The following EXOC6B variants were observed in gnomAD, a reference collection of about 807,000 sequenced individuals.
The protein encoded by EXOC6B is SEC15 homolog B.
A neutral mutation model predicts 113.5 loss-of-function variants in EXOC6B; 54 were observed. That is an observed-to-expected ratio of 0.48 (90% CI 0.38 to 0.60). The LOEUF is 0.60. EXOC6B is among the 20% of genes least tolerant of loss of function. The probability of loss-of-function intolerance (pLI) is 0.00; values close to 1 mark genes in which losing one functional copy is unlikely to be tolerated. For missense variants in EXOC6B, 797 were observed against 977.5 expected (o/e 0.82, Z 2.46); for synonymous variants, 357 against 339.0 (o/e 1.05, Z -0.58).
chr2:72,217,933 A>T (rs1315286777), intron 20 of EXOC6B, among the ~76,000 whole-genome samples: 4 of 152,206 alleles, frequency 2.6e-5, no homozygotes, highest in African/African-American at 9.7e-5. Flanking sequence ...GCATTTTTAT[A>T]TATTATTTTA....
At chr2:72,768,430 T>C (rs977928608) in intron 1 of EXOC6B, among the ~76,000 whole-genome samples, 1 of 151,806 alleles carries the variant, frequency 6.6e-6, no homozygotes, top group Non-Finnish European at 1.5e-5. Flanking sequence ...TAGCTGGGAT[T>C]ACAGGCATGC....
At chr2:72,193,788 T>A (rs1261827625) in intron 20 of EXOC6B, among the ~76,000 whole-genome samples, 2 of 152,184 alleles carry the variant, frequency 1.3e-5, no homozygotes, top group South Asian at 4.1e-4. Flanking sequence ...AGGCCTCATA[T>A]GCTAAGCTAA....
chr2:72,599,662 A>G (rs1248639840), intron 6 of EXOC6B, among the ~76,000 whole-genome samples: 1 of 150,766 alleles, frequency 6.6e-6, no homozygotes, highest in Non-Finnish European at 1.5e-5. Flanking sequence ...CACAAGGGGA[A>G]AAAAAAAAGC....
chr2:72,804,843 C>A (rs1189280693), intron 1 of EXOC6B, among the ~76,000 whole-genome samples: 1 of 152,006 alleles, frequency 6.6e-6, no homozygotes, highest in Non-Finnish European at 1.5e-5. Flanking sequence ...GTGATCCACC[C>A]GCCTTGGCCT....
chr2:72,285,274 T>C (rs1685360390), intron 20 of EXOC6B, among the ~76,000 whole-genome samples: 1 of 151,838 alleles, frequency 6.6e-6, no homozygotes, highest in Non-Finnish European at 1.5e-5. Flanking sequence ...ACTAGGCAAA[T>C]AGATCAAAGC....
chr2:72,444,235 G>A (rs2105340668), intron 18 of EXOC6B, among the ~76,000 whole-genome samples: 1 of 152,332 alleles, frequency 6.6e-6, no homozygotes, highest in South Asian at 2.1e-4. Flanking sequence ...TTGACTCCAT[G>A]TCTCACATCC....
At chr2:72,499,756 A>G (rs1700227649) in intron 12 of EXOC6B, 145 bp downstream of exon 12, 1 of 595,790 alleles carries the variant, frequency 1.7e-6, no homozygotes, top group East Asian at 2.8e-5. Context: ...CTAGTCTTGG[A>G]CTCTTGGACT....
intron 6 of EXOC6B, among the ~76,000 whole-genome samples, chr2:72,715,230 A>G (rs1037379855): frequency 6.6e-6 from 1 of 152,102 alleles, no homozygotes; most frequent in African/African-American, 2.4e-5. Flanking sequence ...CGTCTAAAAA[A>G]ATTAAAATAA....
At chr2:72,687,998 A>G (rs1173203209) in intron 6 of EXOC6B, among the ~76,000 whole-genome samples, 1 of 152,052 alleles carries the variant, frequency 6.6e-6, no homozygotes, top group Non-Finnish European at 1.5e-5. Flanking sequence ...GGGTAATTTT[A>G]CCAGCCCCTC....
intron 20 of EXOC6B, among the ~76,000 whole-genome samples, chr2:72,196,665 G>A (rs1679188413): frequency 6.6e-6 from 1 of 152,100 alleles, no homozygotes; most frequent in Non-Finnish European, 1.5e-5. Flanking sequence ...AATTTCAAAA[G>A]GGTTCTGCCT....
intron 1 of EXOC6B, among the ~76,000 whole-genome samples, chr2:72,809,363 G>T (rs1685752285): frequency 6.6e-6 from 1 of 151,944 alleles, no homozygotes; most frequent in African/African-American, 2.4e-5. Context: ...ATACAGGCAG[G>T]TTCAAAATGA....
intron 18 of EXOC6B, among the ~76,000 whole-genome samples, chr2:72,383,561 T>G (rs1691819220): frequency 6.6e-6 from 1 of 152,094 alleles, no homozygotes; most frequent in African/African-American, 2.4e-5. Context: ...GAGTGTAAAT[T>G]AGTTCAGCCA....
intron 18 of EXOC6B, among the ~76,000 whole-genome samples, chr2:72,386,017 C>A (rs1338102905): frequency 6.6e-6 from 1 of 151,944 alleles, no homozygotes; most frequent in African/African-American, 2.4e-5. Flanking sequence ...TGAATATATA[C>A]CCAAAGGATA....
At chr2:72,456,548 T>C (rs1697246924) in intron 18 of EXOC6B, among the ~76,000 whole-genome samples, 1 of 152,170 alleles carries the variant, frequency 6.6e-6, no homozygotes, top group Non-Finnish European at 1.5e-5. Context: ...ATAGACACGA[T>C]GGTATAATGG....
At chr2:72,695,107 C>T (rs573536482) in intron 6 of EXOC6B, among the ~76,000 whole-genome samples, 1 of 152,234 alleles carries the variant, frequency 6.6e-6, no homozygotes, top group African/African-American at 2.4e-5. Context: ...AGGGTCAAAG[C>T]GGGAAAGACG....
chr2:72,735,223 G>A (rs1057036558), intron 2 of EXOC6B, among the ~76,000 whole-genome samples: 1 of 152,018 alleles, frequency 6.6e-6, no homozygotes, highest in Admixed American at 6.6e-5. Context: ...TACTAGAGTA[G>A]CCTTGTTTGC....
chr2:72,532,836 A>C (rs575732024), intron 8 of EXOC6B, among the ~76,000 whole-genome samples: 1 of 152,144 alleles, frequency 6.6e-6, no homozygotes, highest in South Asian at 2.1e-4. Context: ...ACAAAACAAA[A>C]AAAAAACAAT....
chr2:72,626,936 T>C (rs753116409), intron 6 of EXOC6B, among the ~76,000 whole-genome samples: 2 of 152,232 alleles, frequency 1.3e-5, no homozygotes, highest in Non-Finnish European at 2.9e-5. Flanking sequence ...TTCTGGTCTA[T>C]GCCTTATTAG....
At chr2:72,512,982 T>C in intron 11 of EXOC6B, 150 bp downstream of exon 11, 1 of 890,554 alleles carries the variant, frequency 1.1e-6, no homozygotes, top group Non-Finnish European at 1.6e-6. Flanking sequence ...TGTGATAATT[T>C]GAAGCAGCTA....
Sources: allele counts gnomAD v4.1 joint callset (sites outside exome capture counted in the v4.1 genomes callset), GRCh38; gene constraint gnomAD v4.1.1; transcripts MANE v1.5; gene names NCBI Gene and HGNC (gene_info 2026-07-23, HGNC 2026-07-21).